Variants in HEMK2 observed in about 807,000 individuals in gnomAD.
HEMK2 encodes the protein HemK methyltransferase 2, ETF1 glutamine and histone H4 lysine.
At chr21:28,621,549 C>T in the HEMK2 span, among the ~76,000 whole-genome samples, 10 of 152,186 alleles carry the variant, frequency 6.6e-5, 1 homozygote, top group South Asian at 4.2e-4. Context: ...TGGGTGCAGG[C>T]GGGCTGAGTC....
the HEMK2 span, among the ~76,000 whole-genome samples, chr21:28,857,461 T>C: frequency 6.6e-6 from 1 of 152,172 alleles, no homozygotes; most frequent in Non-Finnish European, 1.5e-5. Context: ...TAACTTTTTT[T>C]TGCTTGTTTT....
At chr21:28,602,394 AT>A in the HEMK2 span, among the ~76,000 whole-genome samples, 1 of 152,156 alleles carries the variant, frequency 6.6e-6, no homozygotes, top group African/African-American at 2.4e-5. Flanking sequence ...TAAAAAATAT[AT>A]TTAATAAATA....
chr21:28,656,526 T>C, the HEMK2 span, among the ~76,000 whole-genome samples: 4 of 152,062 alleles, frequency 2.6e-5, no homozygotes, highest in East Asian at 7.7e-4. Context: ...TGGTGCCACA[T>C]TGAAAACAAC....
chr21:28,868,581 G>C, the HEMK2 span, among the ~76,000 whole-genome samples: 3 of 152,138 alleles, frequency 2.0e-5, no homozygotes, highest in African/African-American at 7.2e-5. Flanking sequence ...AAACTCAAGA[G>C]GCTGAGGTGA....
chr21:28,734,858 C>T, the HEMK2 span, among the ~76,000 whole-genome samples: 1 of 152,208 alleles, frequency 6.6e-6, no homozygotes, highest in African/African-American at 2.4e-5. Flanking sequence ...CAACCCAAAG[C>T]TTAATGGCCC....
At chr21:28,778,276 G>C in the HEMK2 span, among the ~76,000 whole-genome samples, 3 of 152,184 alleles carry the variant, frequency 2.0e-5, no homozygotes, top group Admixed American at 2.0e-4. Flanking sequence ...ATTCATCCAA[G>C]TTGTCGAATG....
the HEMK2 span, among the ~76,000 whole-genome samples, chr21:28,777,388 A>G: frequency 1.3e-5 from 2 of 152,210 alleles, no homozygotes; most frequent in African/African-American, 4.8e-5. Flanking sequence ...TTAGCAAGGA[A>G]GTTTCCAGAA....
chr21:28,662,404 C>A, the HEMK2 span, among the ~76,000 whole-genome samples: 1 of 152,132 alleles, frequency 6.6e-6, no homozygotes, highest in Non-Finnish European at 1.5e-5. Context: ...CTGAGTCTAA[C>A]AGGAAGCATT....
the HEMK2 span, among the ~76,000 whole-genome samples, chr21:28,678,564 A>G: frequency 6.6e-6 from 1 of 152,224 alleles, no homozygotes; most frequent in Non-Finnish European, 1.5e-5. Flanking sequence ...ATACTCCTCA[A>G]GAAGAGCTAC....
At chr21:28,835,775 T>TAG in the HEMK2 span, among the ~76,000 whole-genome samples, 4 of 152,010 alleles carry the variant, frequency 2.6e-5, no homozygotes, top group Admixed American at 6.5e-5. Flanking sequence ...TTCAAGGAAA[T>TAG]AGACGGCTTA....
the HEMK2 span, among the ~76,000 whole-genome samples, chr21:28,782,937 A>G: frequency 6.6e-6 from 1 of 152,208 alleles, no homozygotes; most frequent in African/African-American, 2.4e-5. Flanking sequence ...TTAACAGTTG[A>G]CCAGTATGTA....
the HEMK2 span, among the ~76,000 whole-genome samples, chr21:28,786,148 G>T: frequency 2.4e-3 from 368 of 152,242 alleles, 4 homozygotes; most frequent in Middle Eastern, 0.02. Flanking sequence ...AGGACCAAGA[G>T]ATCTAAGCTC....
the HEMK2 span, among the ~76,000 whole-genome samples, chr21:28,882,586 C>T: frequency 9.1e-5 from 13 of 143,506 alleles, no homozygotes; most frequent in East Asian, 1.8e-3. Flanking sequence ...GTTTATGAGA[C>T]GAAATTAAAT....
the HEMK2 span, among the ~76,000 whole-genome samples, chr21:28,756,347 G>GT: frequency 2.6e-5 from 4 of 152,060 alleles, no homozygotes; most frequent in African/African-American, 9.7e-5. Flanking sequence ...CATGTGCCCA[G>GT]TTTTTCTGTC....
chr21:28,850,631 C>T, the HEMK2 span, among the ~76,000 whole-genome samples: 1 of 152,140 alleles, frequency 6.6e-6, no homozygotes, highest in East Asian at 1.9e-4. Context: ...TTTCTTACCA[C>T]CAGACCTGCC....
the HEMK2 span, among the ~76,000 whole-genome samples, chr21:28,848,335 A>G: frequency 6.6e-6 from 1 of 152,036 alleles, no homozygotes; most frequent in African/African-American, 2.4e-5. Flanking sequence ...GAAAATTCTT[A>G]TTTTTAAATC....
chr21:28,865,841 C>T, the HEMK2 span, among the ~76,000 whole-genome samples: 7 of 151,976 alleles, frequency 4.6e-5, no homozygotes, highest in South Asian at 1.5e-3. Context: ...ACTCTCTGTG[C>T]GTTCCTCTAT....
the HEMK2 span, among the ~76,000 whole-genome samples, chr21:28,766,484 C>A: frequency 6.6e-6 from 1 of 151,914 alleles, no homozygotes; most frequent in Non-Finnish European, 1.5e-5. Flanking sequence ...ATCATTTAAT[C>A]CAGCAATCAC....
the HEMK2 span, among the ~76,000 whole-genome samples, chr21:28,801,664 C>G: frequency 6.6e-6 from 1 of 151,914 alleles, no homozygotes; most frequent in Admixed American, 6.6e-5. Context: ...CACAATATAG[C>G]AAAGGATATA....
Sources: gnomAD v4.1 joint callset for allele counts (sites outside exome capture counted in the v4.1 genomes callset) on GRCh38, gnomAD v4.1.1 for gene constraint, MANE v1.5 for transcripts, NCBI Gene and HGNC (gene_info 2026-07-23, HGNC 2026-07-21) for gene names.